The following FTO variants were observed in gnomAD, a reference collection of about 807,000 sequenced individuals.
The protein encoded by FTO is alpha-ketoglutarate-dependent dioxygenase FTO.
A neutral mutation model predicts 63.9 loss-of-function variants in FTO; 47 were observed. That is an observed-to-expected ratio of 0.74 (90% CI 0.58 to 0.94). FTO has a LOEUF of 0.94. FTO is among the 40% of genes least tolerant of loss of function. The pLI is 0.00. For synonymous variants in FTO, 207 were observed against 224.4 expected (o/e 0.92, Z 0.69); for missense variants, 562 against 618.1 (o/e 0.91, Z 0.96).
At chr16:54,059,180 C>T (rs2144375927) in intron 8 of FTO, among the ~76,000 whole-genome samples, 1 of 152,298 alleles carries the variant, frequency 6.6e-6, no homozygotes, top group South Asian at 2.1e-4. Flanking sequence ...GTTAAGGAAG[C>T]TCGATTTACC....
At chr16:54,048,191 C>G (rs1387272888) in intron 8 of FTO, among the ~76,000 whole-genome samples, 1 of 97,382 alleles carries the variant, frequency 1.0e-5, no homozygotes, top group South Asian at 3.3e-4. Context: ...TCAGGTCTAA[C>G]AAAGACTTCT....
intron 8 of FTO, among the ~76,000 whole-genome samples, chr16:53,955,107 A>G (rs1459244751): frequency 6.6e-6 from 1 of 152,168 alleles, no homozygotes; most frequent in African/African-American, 2.4e-5. Context: ...TTTAAGCATT[A>G]GTGCCATTGG....
At chr16:53,979,344 A>G (rs2083492112) in intron 8 of FTO, 1 of 398,406 alleles carries the variant, frequency 2.5e-6, no homozygotes, top group South Asian at 1.3e-4. Context: ...GGATGTTTGA[A>G]TAAAATATTG....
chr16:53,912,600 A>C (rs1428003348), intron 7 of FTO, among the ~76,000 whole-genome samples: 1 of 152,178 alleles, frequency 6.6e-6, no homozygotes, highest in African/African-American at 2.4e-5. Context: ...TAGAATCATC[A>C]TCAACAGATT....
intron 7 of FTO, among the ~76,000 whole-genome samples, chr16:53,909,806 C>T (rs529231835): frequency 8.5e-5 from 13 of 152,066 alleles, no homozygotes; most frequent in South Asian, 8.3e-4. Flanking sequence ...TCAGGTGATC[C>T]GCCCGCATTG....
intron 7 of FTO, among the ~76,000 whole-genome samples, chr16:53,891,476 C>T (rs923206993): frequency 1.4e-4 from 21 of 151,746 alleles, no homozygotes; most frequent in Admixed American, 7.2e-4. Context: ...GCCTGGGCAA[C>T]ATAGTGAGAC....
intron 8 of FTO, among the ~76,000 whole-genome samples, chr16:54,067,233 T>C (rs1465832316): frequency 6.6e-6 from 1 of 152,162 alleles, no homozygotes; most frequent in East Asian, 1.9e-4. Flanking sequence ...TTGCTTTTTA[T>C]AGTCTTATCT....
At chr16:53,875,743 G>A (rs1333524264) in intron 5 of FTO, among the ~76,000 whole-genome samples, 1 of 152,194 alleles carries the variant, frequency 6.6e-6, no homozygotes, top group Non-Finnish European at 1.5e-5. Flanking sequence ...AGTGTTCAAG[G>A]TATTCTTGTA....
At chr16:53,962,515 A>C (rs967970521) in intron 8 of FTO, among the ~76,000 whole-genome samples, 3 of 152,168 alleles carry the variant, frequency 2.0e-5, no homozygotes, top group African/African-American at 7.2e-5. Flanking sequence ...CTGAACGTCG[A>C]AGTACTAGAA....
intron 1 of FTO, among the ~76,000 whole-genome samples, chr16:53,744,167 T>C (rs1284582368): frequency 6.6e-6 from 1 of 152,084 alleles, no homozygotes; most frequent in Admixed American, 6.6e-5. Flanking sequence ...CAGCACCCAT[T>C]ATCATAGAAA....
intron 8 of FTO, among the ~76,000 whole-genome samples, chr16:54,101,560 T>G (rs139674775): frequency 1.6e-3 from 250 of 152,298 alleles, no homozygotes; most frequent in African/African-American, 5.7e-3. Flanking sequence ...TATTTAATCT[T>G]TCATTGATAG....
At chr16:53,997,225 G>GAA (rs1555500919) in intron 8 of FTO, among the ~76,000 whole-genome samples, 3 of 150,698 alleles carry the variant, frequency 2.0e-5, no homozygotes, top group African/African-American at 2.4e-5. Flanking sequence ...AGGAGAGAGA[G>GAA]AGAAAGAAAG....
At chr16:53,728,671 C>T (rs1023718426) in intron 1 of FTO, among the ~76,000 whole-genome samples, 2 of 151,938 alleles carry the variant, frequency 1.3e-5, no homozygotes, top group Admixed American at 6.6e-5. Flanking sequence ...AGAGCTTTCA[C>T]TGTAGAGTTC....
chr16:54,095,370 C>T (rs1292446722), intron 8 of FTO, among the ~76,000 whole-genome samples: 1 of 152,122 alleles, frequency 6.6e-6, no homozygotes, highest in East Asian at 1.9e-4. Flanking sequence ...ACTTACAATA[C>T]CCTTCCCCAG....
intron 8 of FTO, among the ~76,000 whole-genome samples, chr16:53,944,802 A>G (rs1374813619): frequency 6.6e-6 from 1 of 152,228 alleles, no homozygotes; most frequent in Non-Finnish European, 1.5e-5. Context: ...AATAAAAATG[A>G]CCTATCATGA....
At chr16:53,835,891 A>AT (rs201374598) in intron 3 of FTO, among the ~76,000 whole-genome samples, 25,291 of 133,994 alleles carry the variant, frequency 0.19, 2,705 homozygotes, top group East Asian at 0.4. Flanking sequence ...CTGTCTATTG[A>AT]TTTTTTTTTT....
rs147209692 is a variant in FTO at position 53,969,631 on chromosome 16, A to G, written c.1364+35522A>G. 9.8e-5 allele frequency among the ~76,000 whole-genome samples: 15 copies of G among 152,290 alleles called. No homozygotes were observed. In the East Asian group the frequency reaches 2.9e-3, roughly 29 times the overall value. On this transcript the variant is annotated intron_variant, in intron 8 of 8. Transcript: ENST00000471389. ...ACTGCATCTTTATGCAATAGATGTG[A>G]CAGGACCTATATCCTCCAGTGTCAC...
chr16:53,785,465 G>C (rs1323803091), intron 1 of FTO, among the ~76,000 whole-genome samples: 2 of 152,120 alleles, frequency 1.3e-5, no homozygotes, highest in East Asian at 1.9e-4. Flanking sequence ...GTTTTTGATA[G>C]GATGGCAGGG....
chr16:53,978,861 G>T (rs545572575), intron 8 of FTO, among the ~76,000 whole-genome samples: 57 of 152,080 alleles, frequency 3.7e-4, no homozygotes, highest in Non-Finnish European at 5.4e-4. Flanking sequence ...GCTAGGCATG[G>T]TGGCACACGT....
Sources: allele counts gnomAD v4.1 joint callset (sites outside exome capture counted in the v4.1 genomes callset), GRCh38; gene constraint gnomAD v4.1.1; transcripts MANE v1.5; gene names NCBI Gene and HGNC (gene_info 2026-07-23, HGNC 2026-07-21).